RAB6A: variants seen among roughly 807,000 people sequenced by gnomAD.
RAB6A encodes RAB6A, member RAS oncogene family.
RAB6A carries 8 observed loss-of-function variants against 32.3 expected under a neutral mutation model. The ratio of observed to expected loss-of-function variants is 0.25; its 90% CI spans 0.15 to 0.45. The LOEUF is 0.45. Among genes scored for constraint, RAB6A ranks in the 20% least tolerant of loss-of-function variants. The pLI, the probability that RAB6A is intolerant of heterozygous loss-of-function variation, is 1.00. For synonymous variants in RAB6A, 73 were observed against 82.1 expected (o/e 0.89, Z 0.60); for missense variants, 104 against 249.4 (o/e 0.42, Z 3.93).
intron 2 of RAB6A, among the ~76,000 whole-genome samples, chr11:73,728,580 C>T (rs1218315496): frequency 7.1e-6 from 1 of 141,056 alleles, no homozygotes; most frequent in Non-Finnish European, 1.5e-5. Context: ...CAATACCAGC[C>T]TGGGCAACAT....
At chr11:73,709,769 G>A (rs1176862628) in intron 5 of RAB6A, among the ~76,000 whole-genome samples, 1 of 148,902 alleles carries the variant, frequency 6.7e-6, no homozygotes, top group Non-Finnish European at 1.5e-5. Flanking sequence ...TCAGTAGACA[G>A]AGCTAGAAAA....
intron 1 of RAB6A, among the ~76,000 whole-genome samples, chr11:73,735,169 G>A (rs535772059): frequency 3.3e-5 from 5 of 152,084 alleles, no homozygotes; most frequent in Non-Finnish European, 5.9e-5. Flanking sequence ...ACACACTCTT[G>A]CAATTCTGTG....
chr11:73,751,213 G>T (rs974149718), intron 1 of RAB6A, among the ~76,000 whole-genome samples: 1 of 152,020 alleles, frequency 6.6e-6, no homozygotes, highest in Non-Finnish European at 1.5e-5. Flanking sequence ...CAGGAGTTCC[G>T]GGCTGTAGTA....
chr11:73,680,387 T>G (rs1436435276), intron 6 of RAB6A, among the ~76,000 whole-genome samples: 1 of 152,246 alleles, frequency 6.6e-6, no homozygotes, highest in Non-Finnish European at 1.5e-5. Flanking sequence ...CTGGACGCGG[T>G]GGCTCACGCC....
At chr11:73,719,009 G>T in intron 3 of RAB6A, 1 of 871,862 alleles carries the variant, frequency 1.1e-6, no homozygotes, top group Non-Finnish European at 1.7e-6. Context: ...GAAGACTCAT[G>T]CAAGAGGTTG....
At chr11:73,691,206 G>A (rs982540321) in intron 6 of RAB6A, among the ~76,000 whole-genome samples, 14 of 152,170 alleles carry the variant, frequency 9.2e-5, no homozygotes, top group African/African-American at 3.4e-4. Flanking sequence ...CTGGGGTGAG[G>A]GGCTGCCAAG....
intron 1 of RAB6A, among the ~76,000 whole-genome samples, chr11:73,732,034 T>C (rs1323177106): frequency 6.6e-6 from 1 of 151,836 alleles, no homozygotes; most frequent in East Asian, 2.0e-4. Context: ...CCACTGTGTC[T>C]GGACTGTATT....
rs568468198 is a variant in RAB6A, at chr11:73,741,175, C to T, written c.71-10352G>A. 1.6e-4 allele frequency among the ~76,000 whole-genome samples: 25 copies of T among 151,544 alleles called. No homozygotes were observed. The East Asian group carries it at 2.9e-3, about 18-fold the overall frequency. Reference sequence around the variant, plus strand: ...CCCCCCCAACAGAGTCTTGCTCTGTCGCCCAGGCTGGAATGCGGTGGCGCA... The same window carrying T: ...CCCCCCCAACAGAGTCTTGCTCTGTTGCCCAGGCTGGAATGCGGTGGCGCA... On this transcript the variant is annotated intron_variant, in intron 1 of 7. Transcript: ENST00000336083.
At chr11:73,736,805 A>G (rs1303255896) in intron 1 of RAB6A, among the ~76,000 whole-genome samples, 2 of 73,024 alleles carry the variant, frequency 2.7e-5, no homozygotes, top group Non-Finnish European at 5.4e-5. Flanking sequence ...AAAGAAAAAA[A>G]AAAGAAAAAA....
chr11:73,681,828 A>T (rs530163429), intron 6 of RAB6A, among the ~76,000 whole-genome samples: 4 of 152,268 alleles, frequency 2.6e-5, no homozygotes, highest in South Asian at 2.1e-4. Flanking sequence ...CACAAAAAAA[A>T]TGTATAAAGG....
intron 6 of RAB6A, among the ~76,000 whole-genome samples, chr11:73,681,495 A>G (rs1181139560): frequency 2.0e-5 from 3 of 152,322 alleles, no homozygotes; most frequent in Non-Finnish European, 2.9e-5. Context: ...GAGATAAGAG[A>G]CTGGAACTAC....
intron 6 of RAB6A, 126 bp from the exon 7 acceptor site, chr11:73,679,846 C>A: frequency 1.6e-6 from 2 of 1,247,458 alleles, no homozygotes; most frequent in Non-Finnish European, 2.3e-6. Flanking sequence ...AATCCCAGCA[C>A]TTTGGGACCC....
chr11:73,739,828 G>A (rs777975073), intron 1 of RAB6A, among the ~76,000 whole-genome samples: 50 of 152,090 alleles, frequency 3.3e-4, no homozygotes, highest in African/African-American at 4.6e-4. Flanking sequence ...AGGCCCGGGC[G>A]GGCAGATCAC....
At chr11:73,689,934 A>G (rs953885394) in intron 6 of RAB6A, among the ~76,000 whole-genome samples, 1 of 151,154 alleles carries the variant, frequency 6.6e-6, no homozygotes, top group Non-Finnish European at 1.5e-5. Flanking sequence ...CTCAGGCATG[A>G]TCACTCATAT....
chr11:73,701,250 A>G (rs1287844558), intron 6 of RAB6A, among the ~76,000 whole-genome samples: 1 of 152,230 alleles, frequency 6.6e-6, no homozygotes, highest in Non-Finnish European at 1.5e-5. Flanking sequence ...AAAAGGCATG[A>G]TTTTGTCAAA....
At chr11:73,715,425 G>C (rs1261973163) in intron 5 of RAB6A, among the ~76,000 whole-genome samples, 1 of 152,146 alleles carries the variant, frequency 6.6e-6, no homozygotes, top group Non-Finnish European at 1.5e-5. Context: ...CACCCGGCCT[G>C]TACTACCAAT....
intron 6 of RAB6A, among the ~76,000 whole-genome samples, chr11:73,695,371 G>C (rs912525126): frequency 5.4e-5 from 5 of 91,764 alleles, no homozygotes; most frequent in Non-Finnish European, 1.4e-4. Flanking sequence ...TAAGTATCCA[G>C]TTTTTTTGTT....
chr11:73,744,205 G>A (rs1041475751), intron 1 of RAB6A, among the ~76,000 whole-genome samples: 1 of 151,928 alleles, frequency 6.6e-6, no homozygotes, highest in Non-Finnish European at 1.5e-5. Flanking sequence ...GGGCATGGTG[G>A]TGGGCGCCTG....
intron 6 of RAB6A, among the ~76,000 whole-genome samples, chr11:73,691,799 A>G (rs1945568789): frequency 6.6e-6 from 1 of 152,082 alleles, no homozygotes; most frequent in African/African-American, 2.4e-5. Flanking sequence ...CGTCTCTACT[A>G]AAAATACACA....
Sources: gnomAD v4.1 joint callset for allele counts (sites outside exome capture counted in the v4.1 genomes callset) on GRCh38, gnomAD v4.1.1 for gene constraint, MANE v1.5 for transcripts, NCBI Gene and HGNC (gene_info 2026-07-23, HGNC 2026-07-21) for gene names.